INPP4B: variants seen among roughly 807,000 people sequenced by gnomAD.
INPP4B encodes inositol polyphosphate-4-phosphatase type II B, also known as inositol polyphosphate 4-phosphatase type II.
INPP4B carries 55 observed loss-of-function variants against 122.5 expected under a neutral mutation model. The ratio of observed to expected loss-of-function variants is 0.45; its 90% CI spans 0.36 to 0.56. The LOEUF (loss-of-function observed/expected upper bound fraction) is 0.56. INPP4B is among the 20% of genes least tolerant of loss of function. The pLI is 0.00. For missense variants in INPP4B, 1,000 were observed against 1,097.7 expected, an observed-to-expected ratio of 0.91 and a Z score of 1.26; for synonymous variants, 403 against 388.7, an observed-to-expected ratio of 1.04 and a Z score of -0.43.
At chr4:142,146,579 G>T (rs1278220335) in intron 17 of INPP4B, among the ~76,000 whole-genome samples, 1 of 151,984 alleles carries the variant, frequency 6.6e-6, no homozygotes, top group Non-Finnish European at 1.5e-5. Flanking sequence ...ACCACATTTT[G>T]CTTTCTGTCC....
At chr4:142,440,416 C>A (rs1369940505) in intron 3 of INPP4B, among the ~76,000 whole-genome samples, 1 of 152,138 alleles carries the variant, frequency 6.6e-6, no homozygotes, top group Admixed American at 6.5e-5. Flanking sequence ...GCCAACGGAG[C>A]AGCAGGAATG....
intron 11 of INPP4B, among the ~76,000 whole-genome samples, 163 bp downstream of exon 11, chr4:142,260,329 T>C (rs1739260771): frequency 6.6e-6 from 1 of 152,122 alleles, no homozygotes; most frequent in South Asian, 2.1e-4. Flanking sequence ...ATCTTTCCTG[T>C]GGAATTGTAC....
At chr4:142,139,834 G>A (rs1025875733) in intron 18 of INPP4B, among the ~76,000 whole-genome samples, 1 of 152,140 alleles carries the variant, frequency 6.6e-6, no homozygotes, top group African/African-American at 2.4e-5. Flanking sequence ...GCGTTTGTCG[G>A]TTTGTTTGCT....
intron 2 of INPP4B, among the ~76,000 whole-genome samples, chr4:142,493,866 G>A (rs1822188757): frequency 6.6e-6 from 1 of 152,080 alleles, no homozygotes; most frequent in African/African-American, 2.4e-5. Flanking sequence ...GGACCAGGGG[G>A]TTGGAATGAT....
chr4:142,208,792 C>G, intron 13 of INPP4B, 104 bp downstream of exon 13: 1 of 860,056 alleles, frequency 1.2e-6, no homozygotes, highest in Non-Finnish European at 1.6e-6. Flanking sequence ...TTTAAAAAAT[C>G]TCCAGTTCTC....
chr4:142,422,534 G>A (rs1337163874), intron 5 of INPP4B, among the ~76,000 whole-genome samples: 3 of 152,088 alleles, frequency 2.0e-5, no homozygotes, highest in Non-Finnish European at 4.4e-5. Context: ...GCTAGGTGTG[G>A]TGGCTCATGC....
chr4:142,305,746 A>G (rs1763109845), intron 8 of INPP4B: 1 of 1,393,674 alleles, frequency 7.2e-7, no homozygotes, highest in Non-Finnish European at 9.3e-7. Context: ...TTTCCCTAAA[A>G]GAAAAGAGAC....
At chr4:142,839,528 G>C (rs1437592854) in intron 1 of INPP4B, among the ~76,000 whole-genome samples, 2 of 152,132 alleles carry the variant, frequency 1.3e-5, no homozygotes, top group Non-Finnish European at 2.9e-5. Context: ...CTAATGCCAA[G>C]AGTTTGGACT....
rs538520027 is a variant in INPP4B at position 142,375,462 on chromosome 4, G to A, written c.372+27476C>T. Among the ~76,000 whole-genome samples, 340 of 151,804 alleles carry A rather than the reference G, an allele frequency of 2.2e-3. 2 individuals carry two copies. Among genetic ancestry groups the A allele is most frequent in the African/African-American group, 7.5e-3 (311 of 41,458 alleles). ...CTCCCAAATCTTTATTCCAAACCCT[G>A]TGGCTGTTTGCTTAATAAAAAAGTC... On this transcript the variant is annotated intron_variant, in intron 7 of 25. Coordinates refer to ENST00000262992, the MANE Select transcript of INPP4B (RefSeq NM_001101669.3).
intron 25 of INPP4B, among the ~76,000 whole-genome samples, chr4:142,066,490 G>A (rs1306177844): frequency 6.6e-6 from 1 of 152,144 alleles, no homozygotes; most frequent in Non-Finnish European, 1.5e-5. Flanking sequence ...TTCTGGGAAG[G>A]GCCTGAGAAT....
At chr4:142,654,922 A>G (rs892057948) in intron 2 of INPP4B, among the ~76,000 whole-genome samples, 23 of 152,176 alleles carry the variant, frequency 1.5e-4, no homozygotes, top group African/African-American at 5.5e-4. Flanking sequence ...CTCCCTGTGC[A>G]CCCATGGGGG....
At chr4:142,819,844 G>A (rs1473007081) in intron 1 of INPP4B, among the ~76,000 whole-genome samples, 3 of 151,964 alleles carry the variant, frequency 2.0e-5, no homozygotes, top group African/African-American at 7.3e-5. Flanking sequence ...ACCCTTGGCT[G>A]GCAATTCAAA....
chr4:142,235,559 C>A (rs536334428), intron 12 of INPP4B, among the ~76,000 whole-genome samples: 11 of 152,146 alleles, frequency 7.2e-5, no homozygotes, highest in Admixed American at 6.5e-4. Flanking sequence ...GTAGCTGGGA[C>A]TACAGTCGCC....
chr4:142,713,082 T>C (rs1471620614), intron 2 of INPP4B, among the ~76,000 whole-genome samples: 2 of 152,186 alleles, frequency 1.3e-5, no homozygotes, highest in Non-Finnish European at 2.9e-5. Context: ...TATATCTCAA[T>C]ATTTTGACAA....
chr4:142,470,211 T>C (rs1007238508), intron 2 of INPP4B, among the ~76,000 whole-genome samples: 12 of 152,050 alleles, frequency 7.9e-5, no homozygotes, highest in Non-Finnish European at 1.3e-4. Flanking sequence ...TATAAAATTA[T>C]TTGCAACAAA....
chr4:142,602,776 T>C (rs1253409846), intron 2 of INPP4B, among the ~76,000 whole-genome samples: 2 of 152,168 alleles, frequency 1.3e-5, no homozygotes, highest in South Asian at 2.1e-4. Context: ...TGTAAATTAG[T>C]TCAACCATTG....
At chr4:142,559,373 G>A (rs866856850) in intron 2 of INPP4B, among the ~76,000 whole-genome samples, 14 of 151,988 alleles carry the variant, frequency 9.2e-5, no homozygotes, top group Middle Eastern at 3.4e-3. Context: ...TTCTTAATAT[G>A]TACCTTGTAT....
chr4:142,559,350 T>G (rs1452670104), intron 2 of INPP4B, among the ~76,000 whole-genome samples: 1 of 152,128 alleles, frequency 6.6e-6, no homozygotes, highest in African/African-American at 2.4e-5. Flanking sequence ...GCTTGAGAAT[T>G]ATTCAAATTT....
At chr4:142,740,284 C>T (rs1767713582) in intron 1 of INPP4B, among the ~76,000 whole-genome samples, 1 of 151,984 alleles carries the variant, frequency 6.6e-6, no homozygotes, top group African/African-American at 2.4e-5. Context: ...CCATATCCCA[C>T]TATCAAAGTA....
Sources: gnomAD v4.1 joint callset for allele counts (sites outside exome capture counted in the v4.1 genomes callset) on GRCh38, gnomAD v4.1.1 for gene constraint, MANE v1.5 for transcripts, NCBI Gene and HGNC (gene_info 2026-07-23, HGNC 2026-07-21) for gene names.